ANKFN1: variants seen among roughly 807,000 people sequenced by gnomAD.
ANKFN1 encodes the protein ankyrin repeat and fibronectin type III domain containing 1.
A neutral mutation model predicts 108.7 loss-of-function variants in ANKFN1; 74 were observed. That is an observed-to-expected ratio of 0.68 (90% CI 0.56 to 0.83). The LOEUF (loss-of-function observed/expected upper bound fraction) is 0.83, where lower values mean the gene tolerates loss of function less well. Ranked by LOEUF, ANKFN1 falls within the 40% of genes least tolerant of loss-of-function variation. The pLI, the probability that ANKFN1 is intolerant of heterozygous loss-of-function variation, is 0.00. For missense variants in ANKFN1, 1,505 were observed against 1,382.3 expected (o/e 1.09, Z -1.41); for synonymous variants, 547 against 516.2 (o/e 1.06, Z -0.81).
chr17:56,121,316 T>C (rs1176641794), intron 4 of ANKFN1, among the ~76,000 whole-genome samples: 1 of 152,094 alleles, frequency 6.6e-6, no homozygotes, highest in South Asian at 2.1e-4. Context: ...CAGTTGAACG[T>C]CTTTCAGAGA....
chr17:56,388,203 A>T (rs1277967222), intron 8 of ANKFN1, among the ~76,000 whole-genome samples: 1 of 150,326 alleles, frequency 6.7e-6, no homozygotes, highest in Non-Finnish European at 1.5e-5. Context: ...CGGTGGCATG[A>T]TCTTGGCTCA....
intron 2 of ANKFN1, among the ~76,000 whole-genome samples, 56 bp downstream of exon 2, chr17:56,212,735 G>A (rs952650057): frequency 6.6e-6 from 1 of 152,172 alleles, no homozygotes; most frequent in African/African-American, 2.4e-5. Flanking sequence ...AAAGAAAAAG[G>A]AACCCAAGCT....
At chr17:56,192,409 A>G (rs1244014884) in intron 1 of ANKFN1, among the ~76,000 whole-genome samples, 1 of 26,848 alleles carries the variant, frequency 3.7e-5, no homozygotes, top group African/African-American at 1.6e-4. Flanking sequence ...ATGGGATCTA[A>G]TTAAACTAAA....
intron 1 of ANKFN1, among the ~76,000 whole-genome samples, chr17:56,193,145 C>T (rs1356013974): frequency 1.0e-5 from 1 of 95,692 alleles, no homozygotes; most frequent in Non-Finnish European, 1.9e-5. Context: ...AGTAAACTAT[C>T]GCAAGAACAA....
chr17:56,304,790 AT>A (rs2144392803), intron 3 of ANKFN1, among the ~76,000 whole-genome samples: 1 of 152,270 alleles, frequency 6.6e-6, no homozygotes, highest in South Asian at 2.1e-4. Context: ...GTTGAGTATA[AT>A]TTTACACATT....
chr17:56,491,147 A>G lies in ANKFN1; in HGVS notation c.2261-1040A>G, dbSNP rs774573042. ...TTACTACCTGTAATTACTACCTGTA[A>G]TTAGATGTTCTTCCTAGAATTCCTC... On this transcript the variant is annotated intron_variant, in intron 18 of 20. Transcript: ENST00000682825. 5.4e-4 allele frequency among the ~76,000 whole-genome samples: 82 copies of G among 152,140 alleles called. 2 individuals are homozygous for G. Among genetic ancestry groups the G allele is most frequent in the Non-Finnish European group, 1.1e-3 (73 of 68,018 alleles).
At chr17:56,249,378 A>C (rs1238734753) in intron 3 of ANKFN1, among the ~76,000 whole-genome samples, 2 of 151,952 alleles carry the variant, frequency 1.3e-5, no homozygotes, top group East Asian at 3.9e-4. Flanking sequence ...AGATTGCAGT[A>C]AGCCAAGATC....
At chr17:56,417,032 G>C (rs1388595281) in intron 8 of ANKFN1, among the ~76,000 whole-genome samples, 1 of 151,802 alleles carries the variant, frequency 6.6e-6, no homozygotes, top group African/African-American at 2.4e-5. Flanking sequence ...TAGAGATAGA[G>C]AATAGAAGGA....
At chr17:56,335,097 T>C (rs1447100827) in intron 4 of ANKFN1, among the ~76,000 whole-genome samples, 1 of 151,568 alleles carries the variant, frequency 6.6e-6, no homozygotes, top group Admixed American at 6.6e-5. Context: ...CACTGTTTTG[T>C]ACCATGATGT....
At chr17:56,287,349 G>T (rs1008089067) in intron 3 of ANKFN1, among the ~76,000 whole-genome samples, 4 of 152,144 alleles carry the variant, frequency 2.6e-5, no homozygotes, top group African/African-American at 7.2e-5. Context: ...CATGGCTTTG[G>T]ACAAAGAGCT....
chr17:56,282,219 A>G (rs2044101146), intron 3 of ANKFN1, among the ~76,000 whole-genome samples: 2 of 152,178 alleles, frequency 1.3e-5, no homozygotes, highest in Admixed American at 1.3e-4. Flanking sequence ...AGCTAGACAC[A>G]AAAGTATGCA....
chr17:56,468,207 G>A (rs1192102930), intron 15 of ANKFN1, among the ~76,000 whole-genome samples: 1 of 152,102 alleles, frequency 6.6e-6, no homozygotes, highest in African/African-American at 2.4e-5. Flanking sequence ...CAGGATTTTA[G>A]TGAGTGGGGG....
intron 4 of ANKFN1, among the ~76,000 whole-genome samples, chr17:56,123,683 G>T (rs541735991): frequency 6.6e-6 from 1 of 152,222 alleles, no homozygotes; most frequent in Admixed American, 6.5e-5. Flanking sequence ...AAGAAGTTAG[G>T]AGTAATTAGG....
At chr17:56,122,433 C>T (rs1906680360) in intron 4 of ANKFN1, among the ~76,000 whole-genome samples, 1 of 152,124 alleles carries the variant, frequency 6.6e-6, no homozygotes, top group African/African-American at 2.4e-5. Context: ...ATTTGTCTTG[C>T]TCTCTCAGCT....
At chr17:56,137,314 A>T (rs1907656599) in intron 4 of ANKFN1, among the ~76,000 whole-genome samples, 1 of 152,204 alleles carries the variant, frequency 6.6e-6, no homozygotes, top group Non-Finnish European at 1.5e-5. Flanking sequence ...GCTCTATAAG[A>T]CACAAATCTT....
At chr17:56,179,162 T>C (rs1352451767) in intron 1 of ANKFN1, among the ~76,000 whole-genome samples, 1 of 152,190 alleles carries the variant, frequency 6.6e-6, no homozygotes, top group Non-Finnish European at 1.5e-5. Context: ...TTAACCAGGC[T>C]CTAAAGCATA....
chr17:56,091,418 TCAC>T (rs1299799502), intron 4 of ANKFN1, among the ~76,000 whole-genome samples: 1 of 136,830 alleles, frequency 7.3e-6, no homozygotes, highest in Admixed American at 7.3e-5. Flanking sequence ...TCCAAACAAA[TCAC>T]ACACACACAC....
In ANKFN1 at chr17:56,329,288, G is replaced by A. The variant is rs568006984; in HGVS notation, c.188+2933G>A. Among the ~76,000 whole-genome samples, 24 of 152,120 alleles carry A rather than the reference G, an allele frequency of 1.6e-4. No individual in the cohort carries two copies. In the South Asian group the frequency reaches 3.7e-3, roughly 24 times the overall value. On this transcript the variant is annotated intron_variant, in intron 4 of 20. Coordinates refer to ENST00000682825, the MANE Select transcript of ANKFN1 (RefSeq NM_001370326.1). ...CAAAGCCCAGAAAAACTTCATGGGG[G>A]CCCTCACTGGTACTGACTTACCAGT...
At chr17:56,280,859 T>C (rs1225864832) in intron 3 of ANKFN1, among the ~76,000 whole-genome samples, 1 of 152,152 alleles carries the variant, frequency 6.6e-6, no homozygotes, top group African/African-American at 2.4e-5. Context: ...TTCCCATATG[T>C]TGTGGGAGGG....
Sources: allele counts gnomAD v4.1 joint callset (sites outside exome capture counted in the v4.1 genomes callset), GRCh38; gene constraint gnomAD v4.1.1; transcripts MANE v1.5; gene names NCBI Gene and HGNC (gene_info 2026-07-23, HGNC 2026-07-21).